The following HMCN1 variants were observed in gnomAD, a reference collection of about 807,000 sequenced individuals.
HMCN1 encodes hemicentin 1.
A neutral mutation model predicts 625.9 loss-of-function variants in HMCN1; 321 were observed. The ratio of observed to expected loss-of-function variants is 0.51; its 90% CI spans 0.47 to 0.56. The LOEUF is 0.56. HMCN1 is among the 20% of genes least tolerant of loss of function. The probability of loss-of-function intolerance (pLI) is 0.00; values close to 1 mark genes in which losing one functional copy is unlikely to be tolerated. For synonymous variants in HMCN1, 2,425 were observed against 2,417.6 expected (o/e 1.00, Z -0.09); for missense variants, 6,588 against 6,887.3 (o/e 0.96, Z 1.54).
chr1:185,941,992 G>T (rs879509103), intron 11 of HMCN1, among the ~76,000 whole-genome samples: 4 of 151,868 alleles, frequency 2.6e-5, no homozygotes, highest in Non-Finnish European at 5.9e-5. Flanking sequence ...AGGAGTTCGA[G>T]ACCAGCCTGA....
chr1:186,096,221 G>T (rs552557186), intron 68 of HMCN1, among the ~76,000 whole-genome samples: 1 of 152,176 alleles, frequency 6.6e-6, no homozygotes, highest in East Asian at 1.9e-4. Flanking sequence ...CAAGAGTCTT[G>T]GTTAGGTAGA....
intron 97 of HMCN1, among the ~76,000 whole-genome samples, chr1:186,154,624 A>AT (rs1454047754): frequency 2.6e-5 from 4 of 152,226 alleles, no homozygotes; most frequent in African/African-American, 9.6e-5. Flanking sequence ...TTGTCAAGAA[A>AT]TTTTTTAAAT....
rs2102278845 is a variant in HMCN1 at position 186,053,048 on chromosome 1, C to T, written c.6674C>T (p.Pro2225Leu). The T allele has an allele frequency of 6.2e-7, 1 of 1,609,706 alleles. No individual in the cohort carries two copies. Among genetic ancestry groups the T allele is most frequent in the Non-Finnish European group, 8.5e-7 (1 of 1,176,934 alleles). Residue 2225 changes from proline to leucine, a missense_variant, in exon 43 of 107, where the codon CCC (proline) becomes CTC (leucine). By Grantham distance (98) the Pro-to-Leu change is moderately conservative. This residue lies in a region of HMCN1 where 4,628 missense variants were observed against 4,853.1 expected (regional missense o/e 0.95). Coordinates refer to ENST00000271588, the MANE Select transcript of HMCN1 (RefSeq NM_031935.3). ...TTGTGTGAATCAAGTGGTATTCCACCCCCAAATCTCATCTGGAAGAAGAAA... is the reference window on the plus strand; with the variant it reads ...TTGTGTGAATCAAGTGGTATTCCACTCCCAAATCTCATCTGGAAGAAGAAA... ...SLLCESSGIP[P>L]PNLIWKKKGS... is the part of the protein sequence containing the mutation.
At chr1:185,929,636 C>CAA (rs1667449103) in intron 10 of HMCN1, among the ~76,000 whole-genome samples, 1 of 152,016 alleles carries the variant, frequency 6.6e-6, no homozygotes. Context: ...TTTCTTCAGA[C>CAA]AATTTAAGAC....
intron 71 of HMCN1, among the ~76,000 whole-genome samples, chr1:186,112,601 T>C: frequency 6.6e-6 from 1 of 152,232 alleles, no homozygotes; most frequent in Middle Eastern, 3.2e-3. Flanking sequence ...TCAGAGCAAT[T>C]GGGCATACTG....
intron 1 of HMCN1, among the ~76,000 whole-genome samples, chr1:185,776,949 G>A (rs578168593): frequency 6.6e-6 from 1 of 152,244 alleles, no homozygotes; most frequent in East Asian, 1.9e-4. Context: ...TTGAAAGTAT[G>A]GTTTGCTCAT....
chr1:185,952,599 T>A (rs1383758626), intron 11 of HMCN1, among the ~76,000 whole-genome samples: 1 of 151,740 alleles, frequency 6.6e-6, no homozygotes, highest in Non-Finnish European at 1.5e-5. Context: ...GATGGAAAAA[T>A]TTTAAGTGCC....
chr1:186,114,861 A>C lies in HMCN1; in HGVS notation c.11319A>C (p.Ala3773=). Residue 3773 remains alanine (A), a synonymous_variant, in exon 74 of 107, where the codon GCA becomes GCC. Transcript: ENST00000271588. ...ATGGATTCCTTCATATTCAATCAGC[A>C]CATGTCACTGACACTGGACGGTATT... The part of the protein sequence containing the change: ...LENGFLHIQS[A]HVTDTGRYLC... 1.9e-6 allele frequency: 3 copies of C among 1,614,130 alleles called. No homozygotes were observed. The highest frequency in any genetic ancestry group is 2.5e-6 in the Non-Finnish European group (3 of 1,179,936).
Position 185,950,863 on chromosome 1 carries a change from G to A in HMCN1, c.1829-11655G>A, listed in dbSNP as rs200858095. On this transcript the variant is annotated intron_variant, in intron 11 of 106. Transcript: ENST00000271588. ...GGGTTTGGCACCATGGGGTGGATAG[G>A]CAAAACAATTTGGTTGATAAGGTGC... 3.4e-3 allele frequency among the ~76,000 whole-genome samples: 523 copies of A among 152,014 alleles called. 5 individuals carry two copies. The East Asian group carries it at 0.061, about 18-fold the overall frequency.
At chr1:185,963,377 A>G (rs1261800610) in intron 12 of HMCN1, among the ~76,000 whole-genome samples, 3 of 152,086 alleles carry the variant, frequency 2.0e-5, no homozygotes, top group Non-Finnish European at 4.4e-5. Context: ...TACTATAGCA[A>G]TCCACCACAT....
chr1:185,873,139 CTGACTCTATTT>C (rs1663726485), intron 4 of HMCN1, among the ~76,000 whole-genome samples: 3 of 152,110 alleles, frequency 2.0e-5, no homozygotes, highest in African/African-American at 7.2e-5. Context: ...ATTTATTTAG[CTGACTCTATTT>C]TGATTAGAAG....
intron 86 of HMCN1, among the ~76,000 whole-genome samples, chr1:186,133,792 C>T (rs1476784917): frequency 6.8e-6 from 1 of 146,128 alleles, no homozygotes; most frequent in Non-Finnish European, 1.5e-5. Flanking sequence ...AAATAGGGTT[C>T]TATGTTCAAA....
chr1:186,115,184 G>T, intron 74 of HMCN1, 74 bp from the exon 75 acceptor site: 1 of 1,568,490 alleles, frequency 6.4e-7, no homozygotes, highest in Non-Finnish European at 8.8e-7. Context: ...ACTAATTTCA[G>T]TTCAGCAGAA....
In HMCN1 at chr1:186,144,245, G is replaced by A. The variant is rs1201341630; in HGVS notation, c.13997G>A (p.Arg4666Lys). The A allele has an allele frequency of 6.2e-7, 1 of 1,613,838 alleles. No homozygotes were observed. Among genetic ancestry groups the A allele is most frequent in the African/African-American group, 1.3e-5 (1 of 74,922 alleles). Residue 4666 changes from arginine to lysine, a missense_variant, in exon 90 of 107, where the codon AGA (arginine) becomes AAA (lysine). By Grantham distance (26) the Arg-to-Lys change is conservative. Around this residue, in one of 3 missense-constraint regions of HMCN1, gnomAD observed 1,954 missense variants for 2,013.1 expected, o/e 0.97. Transcript: ENST00000271588. ...AGTTGTGGGAAAGGTACTCAGACAA[G>A]AGCAAGACTTTGTAATAACCCACCA... ...SESCGKGTQT[R>K]ARLCNNPPPA...
intron 1 of HMCN1, among the ~76,000 whole-genome samples, chr1:185,826,223 G>GA (rs1440630282): frequency 1.3e-5 from 2 of 152,242 alleles, no homozygotes; most frequent in African/African-American, 4.8e-5. Context: ...ATTCGATTAA[G>GA]ACAAAAATTA....
At chr1:185,979,369 A>G (rs1651459052) in intron 16 of HMCN1, among the ~76,000 whole-genome samples, 1 of 152,180 alleles carries the variant, frequency 6.6e-6, no homozygotes, top group Non-Finnish European at 1.5e-5. Context: ...GAAAAGCTCA[A>G]AGAGTGATGA....
chr1:186,052,221 C>A (rs950814069), intron 42 of HMCN1, among the ~76,000 whole-genome samples: 9 of 151,884 alleles, frequency 5.9e-5, no homozygotes, highest in African/African-American at 2.2e-4. Context: ...GATGGTTGAA[C>A]AATGACTGGA....
At chr1:185,874,133 A>T (rs1034509828) in intron 4 of HMCN1, among the ~76,000 whole-genome samples, 2 of 151,976 alleles carry the variant, frequency 1.3e-5, no homozygotes, top group African/African-American at 4.8e-5. Context: ...TATGAAGAAA[A>T]TTGAAGGTCT....
At position 186,125,739 on chromosome 1, in the gene HMCN1, T is replaced by G; in HGVS notation, c.12635T>G (p.Leu4212Trp). ...WKKDNVLLAN[L>W]LGKYTAEPYG... Reference sequence around the variant, plus strand: ...AAAGACAATGTTCTTTTAGCTAACTTGTTAGGAAAATACACTGCTGAACCA... The same window carrying G: ...AAAGACAATGTTCTTTTAGCTAACTGGTTAGGAAAATACACTGCTGAACCA... The change falls in exon 82 of 107, where the codon TTG becomes TGG. Residue 4212 changes from leucine (L) to tryptophan (W), a missense_variant. Physicochemically the swap from Leu to Trp is moderately conservative, Grantham distance 61 (BLOSUM62 -2). Around this residue, in one of 3 missense-constraint regions of HMCN1, gnomAD observed 1,954 missense variants for 2,013.1 expected, o/e 0.97. Transcript: ENST00000271588. The G allele has an allele frequency of 6.2e-7, 1 of 1,613,470 alleles. No individual in the cohort carries two copies. The highest frequency in any genetic ancestry group is 8.5e-7 in the Non-Finnish European group (1 of 1,179,528).
Sources: gnomAD v4.1 joint callset for allele counts (sites outside exome capture counted in the v4.1 genomes callset) on GRCh38, gnomAD v4.1.1 for gene constraint, gnomAD v4.1.1 regional missense constraint, MANE v1.5 for transcripts, NCBI Gene and HGNC (gene_info 2026-07-23, HGNC 2026-07-21) for gene names.